SPMIP2: variants seen among roughly 807,000 people sequenced by gnomAD.
The protein encoded by SPMIP2 is protein SPMIP2.
the SPMIP2 span, among the ~76,000 whole-genome samples, chr4:158,910,739 C>T: frequency 6.6e-6 from 1 of 152,160 alleles, no homozygotes; most frequent in Admixed American, 6.5e-5. Context: ...TGAAAACTGC[C>T]TTCAGGCTGG....
chr4:159,013,165 G>T, the SPMIP2 span, among the ~76,000 whole-genome samples: 2 of 152,162 alleles, frequency 1.3e-5, no homozygotes, highest in Non-Finnish European at 2.9e-5. Flanking sequence ...GCTGCTGCAG[G>T]AAAAGGTATG....
chr4:158,964,966 G>T, the SPMIP2 span, among the ~76,000 whole-genome samples: 1 of 152,114 alleles, frequency 6.6e-6, no homozygotes, highest in Non-Finnish European at 1.5e-5. Context: ...GACTGATGGG[G>T]ATTATAGAAA....
chr4:159,057,734 G>T, the SPMIP2 span, among the ~76,000 whole-genome samples: 5 of 152,148 alleles, frequency 3.3e-5, no homozygotes, highest in Admixed American at 1.3e-4. Context: ...TCAGCAACGT[G>T]TCAGAATATA....
the SPMIP2 span, among the ~76,000 whole-genome samples, chr4:158,982,848 C>T: frequency 0.01 from 1,550 of 152,036 alleles, 26 homozygotes; most frequent in African/African-American, 0.035. Context: ...AGGCTTCAGA[C>T]GATCAAACTA....
the SPMIP2 span, among the ~76,000 whole-genome samples, chr4:159,046,996 G>C: frequency 6.6e-6 from 1 of 152,196 alleles, no homozygotes; most frequent in East Asian, 1.9e-4. Context: ...GATGGACAGA[G>C]AGTTGGAAGT....
chr4:159,017,092 A>AAGT, the SPMIP2 span, among the ~76,000 whole-genome samples: 2 of 152,130 alleles, frequency 1.3e-5, no homozygotes, highest in African/African-American at 2.4e-5. Context: ...ATCATTGAGA[A>AAGT]AGTAGTAGTA....
At chr4:158,908,284 A>T in the SPMIP2 span, among the ~76,000 whole-genome samples, 1 of 152,190 alleles carries the variant, frequency 6.6e-6, no homozygotes, top group Non-Finnish European at 1.5e-5. Context: ...AGACAGCCCC[A>T]TGGGATGAGG....
At chr4:159,004,226 G>A in the SPMIP2 span, among the ~76,000 whole-genome samples, 1 of 150,504 alleles carries the variant, frequency 6.6e-6, no homozygotes, top group Admixed American at 6.6e-5. Flanking sequence ...TTGCCATGTT[G>A]CCCAGGCCAA....
chr4:158,969,441 T>C, the SPMIP2 span, among the ~76,000 whole-genome samples: 3 of 152,308 alleles, frequency 2.0e-5, no homozygotes, highest in African/African-American at 2.4e-5. Flanking sequence ...ATGAAAGTAA[T>C]GGTCTGTCCT....
At chr4:158,968,821 C>A in the SPMIP2 span, among the ~76,000 whole-genome samples, 1 of 152,218 alleles carries the variant, frequency 6.6e-6, no homozygotes, top group Non-Finnish European at 1.5e-5. Context: ...TATTCCATAG[C>A]CATCAAGAAA....
the SPMIP2 span, among the ~76,000 whole-genome samples, chr4:159,051,664 C>T: frequency 6.6e-6 from 1 of 152,192 alleles, no homozygotes; most frequent in African/African-American, 2.4e-5. Flanking sequence ...TTGTCATTCT[C>T]ATTCTACCAT....
At chr4:159,007,554 C>G in the SPMIP2 span, 1 of 1,080,430 alleles carries the variant, frequency 9.3e-7, no homozygotes, top group Non-Finnish European at 1.4e-6. Flanking sequence ...GGAGAAGGTG[C>G]TGGAGAGGGT....
At chr4:159,066,589 T>TTATATATATATATATATATATA in the SPMIP2 span, among the ~76,000 whole-genome samples, 61 of 76,552 alleles carry the variant, frequency 8.0e-4, no homozygotes, top group Non-Finnish European at 1.3e-3. Flanking sequence ...TGTGTGTATT[T>TTATATATATATATATATATATA]TATATATATA....
chr4:158,942,650 G>C, the SPMIP2 span, among the ~76,000 whole-genome samples: 1 of 152,120 alleles, frequency 6.6e-6, no homozygotes, highest in South Asian at 2.1e-4. Context: ...GTGGGGAGGT[G>C]CCTGTAATCC....
chr4:158,899,684 A>C, the SPMIP2 span, among the ~76,000 whole-genome samples: 8 of 152,136 alleles, frequency 5.3e-5, no homozygotes. Flanking sequence ...TTTCTGTGGG[A>C]TCAGTGGTGA....
the SPMIP2 span, among the ~76,000 whole-genome samples, chr4:158,938,575 C>A: frequency 1.3e-5 from 2 of 152,206 alleles, no homozygotes; most frequent in Non-Finnish European, 2.9e-5. Context: ...TGCCAGATTG[C>A]CTTCCCCAAG....
chr4:159,065,563 CA>C, the SPMIP2 span, among the ~76,000 whole-genome samples: 3 of 152,094 alleles, frequency 2.0e-5, no homozygotes, highest in African/African-American at 7.2e-5. Context: ...ACAAAAAATA[CA>C]AAAATTAGCC....
the SPMIP2 span, among the ~76,000 whole-genome samples, chr4:159,049,222 G>A: frequency 3.3e-5 from 5 of 152,120 alleles, no homozygotes; most frequent in Non-Finnish European, 7.4e-5. Flanking sequence ...TTTTATTTAA[G>A]TAAACAAGAA....
chr4:159,003,850 A>G, the SPMIP2 span, among the ~76,000 whole-genome samples: 3 of 152,204 alleles, frequency 2.0e-5, no homozygotes, highest in Non-Finnish European at 4.4e-5. Context: ...ACCATTCCCC[A>G]GGACTTAAAA....
Sources: allele counts gnomAD v4.1 joint callset (sites outside exome capture counted in the v4.1 genomes callset), GRCh38; gene constraint gnomAD v4.1.1; transcripts MANE v1.5; gene names NCBI Gene and HGNC (gene_info 2026-07-23, HGNC 2026-07-21).